The following COQ8A variants were observed in gnomAD, a reference collection of about 807,000 sequenced individuals.
The protein encoded by COQ8A is coenzyme Q8A.
A neutral mutation model predicts 65.0 loss-of-function variants in COQ8A; 51 were observed. The ratio of observed to expected loss-of-function variants is 0.78; its 90% CI spans 0.63 to 0.99. The LOEUF is 0.99. Ranked by LOEUF, COQ8A falls within the 50% of genes least tolerant of loss-of-function variation. The pLI is 0.00. For synonymous variants in COQ8A, 371 were observed against 353.2 expected (o/e 1.05, Z -0.57); for missense variants, 940 against 875.0 (o/e 1.07, Z -0.94).
chr1:226,966,142 A>G (rs1188231338), intron 4 of COQ8A, among the ~76,000 whole-genome samples: 3 of 150,578 alleles, frequency 2.0e-5, no homozygotes, highest in Non-Finnish European at 4.4e-5. Context: ...CTGTTCAGCA[A>G]CTCAGCAGGG....
At chr1:226,966,767 C>T (rs1414850362) in intron 4 of COQ8A, among the ~76,000 whole-genome samples, 1 of 152,174 alleles carries the variant, frequency 6.6e-6, no homozygotes, top group Non-Finnish European at 1.5e-5. Context: ...TGCCTATTCT[C>T]TTTTGGAAAC....
At chr1:226,955,816 T>A (rs1657690596) in intron 1 of COQ8A, among the ~76,000 whole-genome samples, 1 of 127,906 alleles carries the variant, frequency 7.8e-6, no homozygotes, top group African/African-American at 3.2e-5. Flanking sequence ...TGGTTCACAC[T>A]CTCCCTGGCT....
intron 1 of COQ8A, among the ~76,000 whole-genome samples, chr1:226,953,232 G>A (rs1657497892): frequency 6.6e-6 from 1 of 152,126 alleles, no homozygotes; most frequent in African/African-American, 2.4e-5. Flanking sequence ...GTTTCACCAT[G>A]TTGGTTAGGC....
intron 12 of COQ8A, 71 bp downstream of exon 12, chr1:226,984,726 G>T: frequency 1.3e-6 from 2 of 1,527,518 alleles, no homozygotes; most frequent in Non-Finnish European, 1.8e-6. Context: ...TGAGGCCCTG[G>T]ACTGCCCCTT....
At chr1:226,969,623 G>A in intron 4 of COQ8A, among the ~76,000 whole-genome samples, 1 of 151,954 alleles carries the variant, frequency 6.6e-6, no homozygotes, top group East Asian at 1.9e-4. Context: ...AGTCCTCATT[G>A]TCTGATATTA....
chr1:226,966,834 G>A (rs766768106), intron 4 of COQ8A, among the ~76,000 whole-genome samples: 2 of 152,130 alleles, frequency 1.3e-5, no homozygotes, highest in Admixed American at 6.5e-5. Flanking sequence ...TGTGCTCCCC[G>A]AGAGCCTGGT....
chr1:226,985,968 C>T (rs755260734), intron 14 of COQ8A, among the ~76,000 whole-genome samples: 3 of 152,198 alleles, frequency 2.0e-5, no homozygotes, highest in South Asian at 2.1e-4. Context: ...CTGGCCGCCC[C>T]GTCCCTCTGA....
At chr1:226,963,839 A>C (rs1658399484) in intron 2 of COQ8A, among the ~76,000 whole-genome samples, 1 of 152,176 alleles carries the variant, frequency 6.6e-6, no homozygotes, top group South Asian at 2.1e-4. Flanking sequence ...TCCTGACCTC[A>C]GGTGATCTGC....
intron 1 of COQ8A, among the ~76,000 whole-genome samples, chr1:226,954,003 G>A (rs1237056801): frequency 6.6e-6 from 1 of 152,186 alleles, no homozygotes; most frequent in East Asian, 1.9e-4. Context: ...ATGTTTCAGT[G>A]CCCACACAGG....
intron 5 of COQ8A, among the ~76,000 whole-genome samples, chr1:226,978,954 C>CA (rs1558202636): frequency 1.3e-5 from 2 of 151,358 alleles, no homozygotes; most frequent in Non-Finnish European, 3.0e-5. Context: ...ACACACCTTA[C>CA]CCTCCACACA....
chr1:226,944,033 G>A (rs1254061181), intron 1 of COQ8A, among the ~76,000 whole-genome samples: 1 of 151,974 alleles, frequency 6.6e-6, no homozygotes, highest in Non-Finnish European at 1.5e-5. Flanking sequence ...CAGGGGTGTC[G>A]AGGACCAGCC....
chr1:226,960,501 TGCTTGGTGGTGGTGGTGG>T, intron 1 of COQ8A, among the ~76,000 whole-genome samples: 1 of 149,386 alleles, frequency 6.7e-6, no homozygotes, highest in South Asian at 2.1e-4. Flanking sequence ...GTGGTGGTGG[TGCTTGGTGGTGGTGGTGG>T]TGCTTGGTGG....
At chr1:226,977,771 GCTGC>G (rs1306473105) in intron 5 of COQ8A, among the ~76,000 whole-genome samples, 4 of 151,936 alleles carry the variant, frequency 2.6e-5, no homozygotes, top group Non-Finnish European at 5.9e-5. Context: ...CTTCTTTTTG[GCTGC>G]CTGCACATCC....
chr1:226,956,912 A>T (rs1204585309), intron 1 of COQ8A, among the ~76,000 whole-genome samples: 2 of 56,990 alleles, frequency 3.5e-5, no homozygotes, highest in Admixed American at 2.1e-4. Context: ...CCTGGCTCCC[A>T]CTCCCTGGTT....
rs74670315 is a variant in COQ8A at position 226,986,424 on chromosome 1, C to T, written c.1660-29C>T. ...CTGGTGGAGGGCTCTGGTGTCTCGC[C>T]GCCATTTATCCTTCCTCTCTTGCCC... On this transcript the variant is annotated intron_variant, in intron 14 of 14. Transcript: ENST00000366777. The T allele has an allele frequency of 3.2e-4, 522 of 1,608,774 alleles. 2 individuals carry two copies. In the African/African-American group the frequency reaches 4.6e-3, roughly 14 times the overall value.
intron 8 of COQ8A, chr1:226,983,273 C>A: frequency 1.4e-6 from 1 of 691,208 alleles, no homozygotes; most frequent in Non-Finnish European, 2.4e-6. Flanking sequence ...TTGGGGTGGG[C>A]AAGGACAGGG....
chr1:226,957,441 C>G (rs186762042), intron 1 of COQ8A, among the ~76,000 whole-genome samples: 7 of 152,286 alleles, frequency 4.6e-5, no homozygotes, highest in African/African-American at 1.7e-4. Flanking sequence ...AGAACAGACA[C>G]CATGCTTTGC....
At chr1:226,964,182 A>G (rs765620058) in intron 2 of COQ8A, among the ~76,000 whole-genome samples, 1 of 152,176 alleles carries the variant, frequency 6.6e-6, no homozygotes, top group Non-Finnish European at 1.5e-5. Context: ...AATCCAGGCC[A>G]CTGGTCTCCC....
chr1:226,964,883 C>G, intron 2 of COQ8A, 117 bp from the exon 3 acceptor site: 1 of 1,232,528 alleles, frequency 8.1e-7, no homozygotes, highest in East Asian at 2.4e-5. Context: ...TGTGCCACCT[C>G]TGGAGGTGGG....
Sources: gnomAD v4.1 joint callset for allele counts (sites outside exome capture counted in the v4.1 genomes callset) on GRCh38, gnomAD v4.1.1 for gene constraint, MANE v1.5 for transcripts, NCBI Gene and HGNC (gene_info 2026-07-23, HGNC 2026-07-21) for gene names.